Variants in COL6A3 observed in about 807,000 individuals in gnomAD.
COL6A3 encodes collagen alpha-3(VI) chain.
Under a neutral mutation model 274.1 loss-of-function variants are expected in COL6A3, and 137 were observed. The observed-to-expected ratio is 0.50, with a 90% CI of 0.44 to 0.58. The LOEUF (loss-of-function observed/expected upper bound fraction) is 0.58. Ranked by LOEUF, COL6A3 falls within the 20% of genes least tolerant of loss-of-function variation. COL6A3 has a pLI of 0.00. For missense variants in COL6A3, 3,950 were observed against 4,124.9 expected, an observed-to-expected ratio of 0.96 and a Z score of 1.16; for synonymous variants, 1,650 against 1,650.6, an observed-to-expected ratio of 1.00 and a Z score of 0.01.
chr2:237,342,402 T>C (rs1396494422), intron 36 of COL6A3: 1 of 546,140 alleles, frequency 1.8e-6, no homozygotes, highest in African/African-American at 1.9e-5. Flanking sequence ...TTTCAGTTTT[T>C]TTCAGCTGTA....
intron 21 of COL6A3, 116 bp downstream of exon 21, chr2:237,358,405 T>C (rs958954759): frequency 2.5e-5 from 22 of 894,250 alleles, no homozygotes; most frequent in Non-Finnish European, 4.1e-5. Context: ...AAAGCACATA[T>C]TTTATCAACG....
intron 8 of COL6A3, 149 bp from the exon 9 acceptor site, chr2:237,372,486 G>A (rs2077719225): frequency 6.1e-6 from 9 of 1,465,750 alleles, no homozygotes; most frequent in Non-Finnish European, 8.4e-6. Flanking sequence ...GGAGTCCTGG[G>A]CATTTCAGTG....
At chr2:237,346,664 G>T in intron 31 of COL6A3, 99 bp from the exon 32 acceptor site, 1 of 1,065,340 alleles carries the variant, frequency 9.4e-7, no homozygotes, top group Non-Finnish European at 1.4e-6. Context: ...CTAACCCAAG[G>T]GACTCCATCA....
At position 237,378,624 on chromosome 2, in the gene COL6A3, G is replaced by A. The variant is rs1183329425; in HGVS notation, c.2497+12C>T. Reference sequence around the variant, plus strand: ...GAAGGAGAGGGAGTTCCCGGCAACAGGGGAGGTTTACCTGGCTGAGCGAGT... The same window carrying A: ...GAAGGAGAGGGAGTTCCCGGCAACAAGGGAGGTTTACCTGGCTGAGCGAGT... On this transcript the variant is annotated intron_variant, in intron 6 of 43. Coordinates refer to ENST00000295550, the MANE Select transcript of COL6A3 (RefSeq NM_004369.4). 6.2e-7 allele frequency: 1 copy of A among 1,612,222 alleles called. No individual in the cohort carries two copies. The highest frequency in any genetic ancestry group is 1.3e-5 in the African/African-American group (1 of 74,862).
chr2:237,336,605 G>A lies in COL6A3; in HGVS notation c.8568-73C>T, dbSNP rs912500631. The A allele has an allele frequency of 5.1e-5, 77 of 1,524,416 alleles. No individual in the cohort carries two copies. In the South Asian group the frequency reaches 6.1e-4, roughly 12 times the overall value. 94.4% of individuals were successfully genotyped at this position (1,524,416 alleles called of 1,614,324 possible). ...AATAAATAAAGACATAACCCCATGA[G>A]CTACATTAAATTTGTTTTAGCAAAA... On this transcript the variant is annotated intron_variant, in intron 39 of 43. Coordinates refer to ENST00000295550, the MANE Select transcript of COL6A3 (RefSeq NM_004369.4).
chr2:237,344,149 A>T lies in COL6A3; in HGVS notation c.7668+201T>A. ...GGAGGGACCTGGGGGCAGTGCTACA[A>T]GCATGTAGGCGTCCCTGTAGTGCTG... On this transcript the variant is annotated intron_variant, in intron 36 of 43. Coordinates refer to ENST00000295550, the MANE Select transcript of COL6A3 (RefSeq NM_004369.4). This position sits in a 1 kb window ranked among gnomAD's most constrained non-coding sequence, Gnocchi z 4.8. 1.3e-6 allele frequency: 1 copy of T among 748,906 alleles called. No homozygotes were observed. Among genetic ancestry groups the T allele is most frequent in the Admixed American group, 1.9e-5 (1 of 53,014 alleles). The allele number at this position is 748,906 out of a possible 1,614,324, so 46.4% of individuals were successfully genotyped here.
intron 4 of COL6A3, among the ~76,000 whole-genome samples, chr2:237,381,805 A>G (rs1221088654): frequency 6.6e-6 from 1 of 152,208 alleles, no homozygotes; most frequent in Non-Finnish European, 1.5e-5. Flanking sequence ...AAATTCAATA[A>G]GTTCTCTTCT....
At chr2:237,345,117 A>G in intron 33 of COL6A3, 23 bp from the exon 34 acceptor site, 1 of 1,614,038 alleles carries the variant, frequency 6.2e-7, no homozygotes, top group East Asian at 2.2e-5. Flanking sequence ...ATAAAAGAAT[A>G]TGTAAAGAGA....
At chr2:237,336,078 C>T in intron 40 of COL6A3, 57 bp downstream of exon 40, 2 of 1,605,348 alleles carry the variant, frequency 1.2e-6, no homozygotes, top group Non-Finnish European at 8.5e-7. Context: ...AGGAACACAC[C>T]CTGGAGCAGG....
rs2077375153 is a variant in COL6A3, at chr2:237,358,896, T to C, written c.6408+139A>G. On this transcript the variant is annotated intron_variant, in intron 20 of 43. Transcript: ENST00000295550. Reference sequence around the variant, plus strand: ...GTGTCAGAGCTGAGAGGGGATGTAATGGGTGCACTCACAGGGGAGGTCAGG... The same window carrying C: ...GTGTCAGAGCTGAGAGGGGATGTAACGGGTGCACTCACAGGGGAGGTCAGG... The C allele has an allele frequency of 5.6e-6, 5 of 886,170 alleles. No homozygotes were observed. The South Asian group carries it at 6.7e-5, about 12-fold the overall frequency. The allele number at this position is 886,170 out of a possible 1,614,324, so 54.9% of individuals were successfully genotyped here. A position where few individuals can be genotyped will look rare whatever the true frequency, so the allele number is the denominator to read the frequency against.
chr2:237,338,830 G>A (rs1257533060), intron 39 of COL6A3, 185 bp downstream of exon 39: 4 of 585,536 alleles, frequency 6.8e-6, no homozygotes, highest in Non-Finnish European at 1.2e-5. Flanking sequence ...GTTTTGGGTA[G>A]CTTGTTACAT....
At chr2:237,358,236 C>A (rs2077360880) in intron 21 of COL6A3, among the ~76,000 whole-genome samples, 2 of 152,190 alleles carry the variant, frequency 1.3e-5, no homozygotes, top group Non-Finnish European at 2.9e-5. Flanking sequence ...ATGAGAAAAG[C>A]TGCAAACTCT....
At chr2:237,365,029 T>A (rs2077520692) in intron 12 of COL6A3, among the ~76,000 whole-genome samples, 1 of 151,044 alleles carries the variant, frequency 6.6e-6, no homozygotes, top group Non-Finnish European at 1.5e-5. Context: ...GGACTGTATT[T>A]GGAGATAGGG....
chr2:237,377,025 T>A lies in COL6A3; in HGVS notation c.2817A>T (p.Gly939=). The change falls in exon 7 of 44, where the codon GGA becomes GGT. Residue 939 remains glycine (G), a synonymous_variant. Coordinates refer to ENST00000295550, the MANE Select transcript of COL6A3 (RefSeq NM_004369.4). Reference sequence around the variant, plus strand: ...CCAGCAGCACCAGGAACTGAAGCACTCCATCCTCGATCCGGCTGCCAGCAG... The same window carrying A: ...CCAGCAGCACCAGGAACTGAAGCACACCATCCTCGATCCGGCTGCCAGCAG... ...VKSAGSRIED[G]VLQFLVLLVA... 1 of 1,614,146 alleles carries A rather than the reference T, an allele frequency of 6.2e-7. No individual in the cohort carries two copies. The highest frequency in any genetic ancestry group is 8.5e-7 in the Non-Finnish European group (1 of 1,180,034).
intron 3 of COL6A3, 38 bp downstream of exon 3, chr2:237,394,549 C>G (rs1377537924): frequency 1.2e-6 from 2 of 1,612,956 alleles, no homozygotes; most frequent in East Asian, 4.5e-5. Context: ...CTCCCAAGAA[C>G]AGCAGGGCAG....
Position 237,365,717 on chromosome 2 carries a change from G to C in COL6A3, c.5819C>G (p.Ser1940Cys). The C allele has an allele frequency of 6.2e-7, 1 of 1,614,208 alleles. No homozygotes were observed. The highest frequency in any genetic ancestry group is 2.2e-5 in the East Asian group (1 of 44,868). ...LKVYLNKFRQ[S>C]SPDSVKVVIH... ...ACAGACCTTCACGCTGTCCGGCGAG[G>C]ACTGTCTGAACTTGTTCAGGTAGAC... Residue 1940 changes from serine (S) to cysteine (C), a missense_variant, in exon 12 of 44, where the codon TCC becomes TGC. Ser to Cys is a moderately radical substitution (Grantham distance 112, BLOSUM62 -1). Transcript: ENST00000295550.
rs2106356380 is a variant in COL6A3 at position 237,371,533 on chromosome 2, G to T, written c.4285+199C>A. On this transcript the variant is annotated intron_variant, in intron 9 of 43. Coordinates refer to ENST00000295550, the MANE Select transcript of COL6A3 (RefSeq NM_004369.4). The surrounding 1 kb of genome is among the most constrained non-coding windows in gnomAD (Gnocchi z 4.3). Reference sequence around the variant, plus strand: ...GGTTGGCTGGATCCCAGAAGGCAGAGGTTAAAATGAGTTATGATCATGCCA... The same window carrying T: ...GGTTGGCTGGATCCCAGAAGGCAGATGTTAAAATGAGTTATGATCATGCCA... 1.6e-6 allele frequency: 2 copies of T among 1,216,780 alleles called. No individual in the cohort carries two copies. Among genetic ancestry groups the T allele is most frequent in the South Asian group, 2.1e-5 (1 of 47,232 alleles). The allele number at this position is 1,216,780 out of a possible 1,614,324, so 75.4% of individuals were successfully genotyped here.
rs1452327175 is a variant in COL6A3 at position 237,361,053 on chromosome 2, A to G, written c.6210+68T>C. The G allele has an allele frequency of 3.9e-6, 5 of 1,273,166 alleles. No individual in the cohort carries two copies. The highest frequency in any genetic ancestry group is 2.9e-5 in the African/African-American group (2 of 68,294). The allele number at this position is 1,273,166 out of a possible 1,614,324, so 78.9% of individuals were successfully genotyped here. ...AACTGAACAAATGATGAAATCCACA[A>G]TGCAATCCCAATGGGTAAGGATCAA... On this transcript the variant is annotated intron_variant, in intron 16 of 43. Coordinates refer to ENST00000295550, the MANE Select transcript of COL6A3 (RefSeq NM_004369.4). The surrounding 1 kb of genome is among the most constrained non-coding windows in gnomAD (Gnocchi z 5.1).
At chr2:237,412,252 G>A (rs1307848858) in intron 1 of COL6A3, among the ~76,000 whole-genome samples, 1 of 152,188 alleles carries the variant, frequency 6.6e-6, no homozygotes, top group East Asian at 1.9e-4. Flanking sequence ...CCACCCCCAG[G>A]AGGTGGCCTG....
Sources: allele counts gnomAD v4.1 joint callset (sites outside exome capture counted in the v4.1 genomes callset), GRCh38; gene constraint gnomAD v4.1.1; non-coding constraint Gnocchi (gnomAD v3.1); transcripts MANE v1.5; gene names NCBI Gene and HGNC (gene_info 2026-07-23, HGNC 2026-07-21).